The following SOX5 variants were observed in gnomAD, a reference collection of about 807,000 sequenced individuals.
The protein encoded by SOX5 is transcription factor SOX-5.
A neutral mutation model predicts 92.0 loss-of-function variants in SOX5; 9 were observed. That is an observed-to-expected ratio of 0.10 (90% CI 0.06 to 0.17). The LOEUF (loss-of-function observed/expected upper bound fraction) is 0.17, where lower values mean the gene tolerates loss of function less well. Ranked by LOEUF, SOX5 falls within the 10% of genes least tolerant of loss-of-function variation. SOX5 has a pLI of 1.00. For synonymous variants in SOX5, 344 were observed against 336.3 expected (o/e 1.02, Z -0.25); for missense variants, 642 against 944.5 (o/e 0.68, Z 4.20).
rs750253561 is a variant in SOX5 at position 24,327,987 on chromosome 12, C to G, written c.-174+40576G>C. On this transcript the variant is annotated intron_variant, in intron 2 of 4. Transcript: ENST00000446891. ...AATTAGAGGCATGAACCACCGCACCCAGCCGCAATAGAGACTTTTGAATGT... is the reference window on the plus strand; with the variant it reads ...AATTAGAGGCATGAACCACCGCACCGAGCCGCAATAGAGACTTTTGAATGT... Among the ~76,000 whole-genome samples the G allele has an allele frequency of 2.0e-5, 3 of 152,130 alleles. No individual in the cohort carries two copies. The East Asian group carries it at 5.8e-4, about 29-fold the overall frequency.
intron 4 of SOX5, among the ~76,000 whole-genome samples, chr12:24,208,584 TG>T (rs1202305152): frequency 6.6e-6 from 1 of 152,216 alleles, no homozygotes; most frequent in Non-Finnish European, 1.5e-5. Context: ...GCCTTGTCTA[TG>T]GAACTTTCTC....
At chr12:23,723,566 TTA>T (rs10679589) in intron 6 of SOX5, among the ~76,000 whole-genome samples, 23,035 of 144,598 alleles carry the variant, frequency 0.16, 2,248 homozygotes, top group Middle Eastern at 0.23. Context: ...AGGAGAAAAA[TTA>T]TATATATATA....
At chr12:24,536,324 G>GT (rs1381994354) in intron 1 of SOX5, among the ~76,000 whole-genome samples, 2 of 152,212 alleles carry the variant, frequency 1.3e-5, no homozygotes, top group Non-Finnish European at 2.9e-5. Flanking sequence ...GCTAGCACAA[G>GT]TTTAACAGCT....
chr12:24,051,280 T>C (rs897187796), intron 4 of SOX5, among the ~76,000 whole-genome samples: 2 of 152,108 alleles, frequency 1.3e-5, no homozygotes, highest in African/African-American at 4.8e-5. Context: ...GTTCCAAAAT[T>C]TTACAATGAT....
At chr12:23,795,217 G>A (rs1262050726) in intron 3 of SOX5, among the ~76,000 whole-genome samples, 1 of 151,812 alleles carries the variant, frequency 6.6e-6, no homozygotes, top group African/African-American at 2.4e-5. Context: ...CTGAAAATAA[G>A]AGTAGTGCAT....
Position 24,013,460 on chromosome 12 carries a change from T to C in SOX5, c.-1-117436A>G, listed in dbSNP as rs532240645. Among the ~76,000 whole-genome samples the C allele has an allele frequency of 1.1e-4, 17 of 152,322 alleles. No homozygotes were observed. The East Asian group carries it at 3.3e-3, about 29-fold the overall frequency. On this transcript the variant is annotated intron_variant, in intron 4 of 4. Transcript: ENST00000446891. ...TTTGTTTATTTAAAAAGAGAATTTC[T>C]AAAACGTATCTGCATATTTAATCTG... is the stretch of plus-strand genomic sequence containing the variant.
chr12:24,444,754 T>A (rs1315551807), intron 1 of SOX5, among the ~76,000 whole-genome samples: 1 of 152,106 alleles, frequency 6.6e-6, no homozygotes, highest in Non-Finnish European at 1.5e-5. Flanking sequence ...CAGCCCACTG[T>A]CTCAGTTCAA....
At chr12:23,806,445 T>C (rs1378243084) in intron 3 of SOX5, among the ~76,000 whole-genome samples, 2 of 152,146 alleles carry the variant, frequency 1.3e-5, no homozygotes, top group African/African-American at 4.8e-5. Context: ...TGTTTAACTC[T>C]GGCATAAATA....
chr12:23,871,897 A>G (rs1423785776), intron 2 of SOX5, among the ~76,000 whole-genome samples: 1 of 152,024 alleles, frequency 6.6e-6, no homozygotes, highest in African/African-American at 2.4e-5. Context: ...GTTTCTCCCC[A>G]ACTATCTTTT....
At chr12:24,039,612 G>A (rs1036058512) in intron 4 of SOX5, among the ~76,000 whole-genome samples, 2 of 152,112 alleles carry the variant, frequency 1.3e-5, no homozygotes, top group Non-Finnish European at 1.5e-5. Flanking sequence ...TCAAATGGTT[G>A]CAAAATGGTA....
intron 4 of SOX5, among the ~76,000 whole-genome samples, chr12:24,141,654 C>A (rs1174657318): frequency 1.3e-5 from 2 of 152,086 alleles, no homozygotes; most frequent in Non-Finnish European, 2.9e-5. Flanking sequence ...ACTAGTGGAT[C>A]CTAATACACA....
intron 10 of SOX5, among the ~76,000 whole-genome samples, chr12:23,572,345 T>G (rs969416919): frequency 1.3e-5 from 2 of 152,128 alleles, no homozygotes; most frequent in African/African-American, 2.4e-5. Context: ...TATTACTCAT[T>G]AAAGTTTCAG....
chr12:24,499,534 A>C (rs764854496), intron 1 of SOX5, among the ~76,000 whole-genome samples: 4 of 152,226 alleles, frequency 2.6e-5, no homozygotes, highest in Non-Finnish European at 4.4e-5. Context: ...TACACATCCA[A>C]TGTGGGACAA....
chr12:24,287,036 G>T (rs1352918070), intron 2 of SOX5, among the ~76,000 whole-genome samples: 1 of 152,166 alleles, frequency 6.6e-6, no homozygotes, highest in Non-Finnish European at 1.5e-5. Flanking sequence ...GGGTCATGTA[G>T]CTTTAAGACC....
intron 1 of SOX5, among the ~76,000 whole-genome samples, chr12:24,451,471 C>A (rs1288129477): frequency 6.6e-6 from 1 of 152,024 alleles, no homozygotes; most frequent in Non-Finnish European, 1.5e-5. Context: ...TTATTGCTTA[C>A]CTTTTGGGTA....
chr12:23,590,169 A>G (rs753422630), intron 9 of SOX5, among the ~76,000 whole-genome samples: 3 of 152,020 alleles, frequency 2.0e-5, no homozygotes, highest in Non-Finnish European at 4.4e-5. Flanking sequence ...ATAGGCAAAA[A>G]TAATTGAAAT....
intron 3 of SOX5, among the ~76,000 whole-genome samples, chr12:24,245,118 T>G (rs11047329): frequency 0.014 from 2,095 of 152,296 alleles, 51 homozygotes; most frequent in African/African-American, 0.045. Context: ...TTTGTAGCAT[T>G]CATCATAGTC....
chr12:24,275,240 C>T (rs931853563), intron 3 of SOX5, among the ~76,000 whole-genome samples: 3 of 152,002 alleles, frequency 2.0e-5, no homozygotes, highest in Non-Finnish European at 4.4e-5. Flanking sequence ...AAAATTAAAA[C>T]TTCTCATGAG....
At chr12:23,617,314 C>A (rs1278725246) in intron 8 of SOX5, among the ~76,000 whole-genome samples, 2 of 152,014 alleles carry the variant, frequency 1.3e-5, no homozygotes, top group Non-Finnish European at 2.9e-5. Flanking sequence ...ATGACCCACA[C>A]TTCCTTGAAA....
Sources: allele counts gnomAD v4.1 joint callset (sites outside exome capture counted in the v4.1 genomes callset), GRCh38; gene constraint gnomAD v4.1.1; transcripts MANE v1.5; gene names NCBI Gene and HGNC (gene_info 2026-07-23, HGNC 2026-07-21).